BTG4: variants seen among roughly 807,000 people sequenced by gnomAD.
The protein encoded by BTG4 is protein BTG4.
Under a neutral mutation model 19.3 loss-of-function variants are expected in BTG4, and 10 were observed. The observed-to-expected ratio is 0.52, with a 90% CI of 0.32 to 0.88. The LOEUF is 0.88. Among genes scored for constraint, BTG4 ranks in the 40% least tolerant of loss-of-function variants. The pLI is 0.04. For missense variants in BTG4, 238 were observed against 281.9 expected, an observed-to-expected ratio of 0.84 and a Z score of 1.11; for synonymous variants, 91 against 95.7, an observed-to-expected ratio of 0.95 and a Z score of 0.29.
the BTG4 span, among the ~76,000 whole-genome samples, chr11:111,413,076 T>C: frequency 6.6e-6 from 1 of 151,906 alleles, no homozygotes; most frequent in Non-Finnish European, 1.5e-5. Flanking sequence ...GGTAAGTAGA[T>C]TGAGGTGCCA....
At chr11:111,460,399 A>G in the BTG4 span, 1 of 152,552 alleles carries the variant, frequency 6.6e-6, no homozygotes, top group Non-Finnish European at 1.5e-5. Flanking sequence ...GTATTCATTT[A>G]TTCATTCATT....
chr11:111,453,578 G>C, the BTG4 span: 6 of 449,988 alleles, frequency 1.3e-5, no homozygotes, highest in East Asian at 3.5e-4. Context: ...GTTGAGGGGG[G>C]TCCTGGTGAG....
chr11:111,506,697 A>G (rs1866476925), intron 1 of BTG4, among the ~76,000 whole-genome samples: 2 of 152,168 alleles, frequency 1.3e-5, no homozygotes, highest in South Asian at 4.1e-4. Context: ...ACTAATATAA[A>G]TATGTGTATA....
At chr11:111,443,825 TA>T in the BTG4 span, among the ~76,000 whole-genome samples, 1 of 152,130 alleles carries the variant, frequency 6.6e-6, no homozygotes, top group African/African-American at 2.4e-5. Flanking sequence ...GCGTGGTCTT[TA>T]GGTATGGGCA....
the BTG4 span, among the ~76,000 whole-genome samples, chr11:111,446,624 A>AACACACACACACACACACACAC: frequency 1.2e-4 from 17 of 146,942 alleles, no homozygotes; most frequent in African/African-American, 3.8e-4. Flanking sequence ...GACACCAATA[A>AACACACACACACACACACACAC]ACACACACAC....
chr11:111,479,731 A>C (rs763379321), intron 5 of BTG4, among the ~76,000 whole-genome samples: 15 of 152,152 alleles, frequency 9.9e-5, no homozygotes, highest in Non-Finnish European at 1.9e-4. Flanking sequence ...AGATAACAAG[A>C]CAAAGGGAAG....
At chr11:111,495,380 TC>T (rs1290331847) in intron 4 of BTG4, 66 bp from the exon 5 acceptor site, 1 of 1,393,394 alleles carries the variant, frequency 7.2e-7, no homozygotes, top group African/African-American at 1.5e-5. Flanking sequence ...AACCCATAAT[TC>T]AAAAGTCAGG....
chr11:111,504,986 A>G (rs1749419640), intron 1 of BTG4, among the ~76,000 whole-genome samples: 1 of 152,112 alleles, frequency 6.6e-6, no homozygotes, highest in African/African-American at 2.4e-5. Flanking sequence ...AAATAAATGG[A>G]AAAACATTCC....
At chr11:111,434,719 G>C in the BTG4 span, among the ~76,000 whole-genome samples, 20 of 149,594 alleles carry the variant, frequency 1.3e-4, no homozygotes, top group Admixed American at 4.0e-4. Context: ...AAAAAAAAAA[G>C]TTTGTCCGTA....
chr11:111,475,778 T>C (rs1366749891), intron 5 of BTG4, among the ~76,000 whole-genome samples: 1 of 152,200 alleles, frequency 6.6e-6, no homozygotes, highest in Non-Finnish European at 1.5e-5. Flanking sequence ...AATAAAGACA[T>C]GCTTCAGACT....
At chr11:111,448,051 C>T in the BTG4 span, among the ~76,000 whole-genome samples, 3 of 152,216 alleles carry the variant, frequency 2.0e-5, no homozygotes, top group African/African-American at 7.2e-5. Flanking sequence ...CCACTGTCAC[C>T]CCACCCAAGG....
the BTG4 span, chr11:111,385,373 A>C: frequency 6.6e-6 from 1 of 152,136 alleles, no homozygotes; most frequent in East Asian, 1.9e-4. Flanking sequence ...AAACTCACCA[A>C]TTAAAAGACA....
chr11:111,442,978 GA>G, the BTG4 span, among the ~76,000 whole-genome samples: 1 of 152,206 alleles, frequency 6.6e-6, no homozygotes, highest in East Asian at 1.9e-4. Context: ...TGTGGAAAGG[GA>G]AAAAGAGTAA....
intron 5 of BTG4, among the ~76,000 whole-genome samples, chr11:111,488,554 G>A (rs1337847904): frequency 6.6e-6 from 1 of 152,142 alleles, no homozygotes; most frequent in Non-Finnish European, 1.5e-5. Flanking sequence ...GGTTTCTTGG[G>A]AAGACCTCAA....
chr11:111,455,128 C>T, the BTG4 span: 2 of 450,510 alleles, frequency 4.4e-6, no homozygotes, highest in African/African-American at 2.0e-5. Flanking sequence ...TCTCTGTGCC[C>T]AAACACAACT....
the BTG4 span, among the ~76,000 whole-genome samples, chr11:111,426,662 A>G: frequency 6.6e-6 from 1 of 152,096 alleles, no homozygotes; most frequent in Non-Finnish European, 1.5e-5. Flanking sequence ...CCTGAATTCC[A>G]GATGATGACC....
intron 5 of BTG4, among the ~76,000 whole-genome samples, chr11:111,484,016 A>G (rs1864900068): frequency 6.6e-6 from 1 of 152,200 alleles, no homozygotes; most frequent in African/African-American, 2.4e-5. Flanking sequence ...TCTCTGGTAT[A>G]TCTGGCAGCA....
chr11:111,478,949 A>T (rs908827447), intron 5 of BTG4, among the ~76,000 whole-genome samples: 9 of 136,794 alleles, frequency 6.6e-5, no homozygotes, highest in African/African-American at 2.3e-4. Context: ...CTGAAAAAAA[A>T]TACTCAGAGA....
intron 5 of BTG4, among the ~76,000 whole-genome samples, chr11:111,486,106 A>C (rs1326332438): frequency 6.6e-6 from 1 of 152,228 alleles, no homozygotes; most frequent in Non-Finnish European, 1.5e-5. Context: ...TACTGCTTCT[A>C]TCAAAGAAAA....
Sources: allele counts gnomAD v4.1 joint callset (sites outside exome capture counted in the v4.1 genomes callset), GRCh38; gene constraint gnomAD v4.1.1; transcripts MANE v1.5; gene names NCBI Gene and HGNC (gene_info 2026-07-23, HGNC 2026-07-21).